The following GAB2 variants were observed in gnomAD, a reference collection of about 807,000 sequenced individuals.
GAB2 encodes GRB2-associated-binding protein 2.
Under a neutral mutation model 65.5 loss-of-function variants are expected in GAB2, and 26 were observed. The ratio of observed to expected loss-of-function variants is 0.40; its 90% CI spans 0.29 to 0.55. The LOEUF is 0.55. Among genes scored for constraint, GAB2 ranks in the 20% least tolerant of loss-of-function variants. The pLI, the probability that GAB2 is intolerant of heterozygous loss-of-function variation, is 0.53. For synonymous variants in GAB2, 321 were observed against 329.6 expected, an observed-to-expected ratio of 0.97 and a Z score of 0.28; for missense variants, 884 against 875.8, an observed-to-expected ratio of 1.01 and a Z score of -0.12.
chr11:78,354,059 G>C lies in GAB2; in HGVS notation c.75+63587C>G, dbSNP rs115469821. 4.3e-3 allele frequency among the ~76,000 whole-genome samples: 661 copies of C among 152,304 alleles called. 2 individuals are homozygous for C. The highest frequency in any genetic ancestry group is 0.015 in the African/African-American group (637 of 41,558). On this transcript the variant is annotated intron_variant, in intron 1 of 9. Transcript: ENST00000361507. ...TGTTGGTGCTGTTGGTCCAGGGATG[G>C]CACTTTGAGAACTACTGAAATAAGG... is the stretch of plus-strand genomic sequence containing the variant.
intron 3 of GAB2, among the ~76,000 whole-genome samples, chr11:78,246,227 C>T (rs1031301529): frequency 2.4e-4 from 37 of 151,562 alleles, no homozygotes; most frequent in Admixed American, 4.6e-4. Flanking sequence ...CCACAGTGTC[C>T]GGTGGCAGAG....
chr11:78,268,339 C>T (rs1346447839), intron 2 of GAB2, among the ~76,000 whole-genome samples: 2 of 152,168 alleles, frequency 1.3e-5, no homozygotes, highest in Non-Finnish European at 2.9e-5. Flanking sequence ...AAGACTGTAT[C>T]TACTGATTTT....
chr11:78,316,863 G>C (rs891694951), intron 1 of GAB2, among the ~76,000 whole-genome samples: 1 of 152,188 alleles, frequency 6.6e-6, no homozygotes, highest in South Asian at 2.1e-4. Flanking sequence ...TTAGTCAGAA[G>C]AGCCAAAAGG....
rs1164899354 is a variant in GAB2 at position 78,216,422 on chromosome 11, G to A, written c.*2850C>T. ...TTTTTTCAACTGAGTTGACTCCTTT[G>A]TTGGAGGAGGTAGTGGGTGGAGGGT... On this transcript the variant is annotated 3_prime_UTR_variant, in exon 10 of 10. Coordinates refer to ENST00000361507, the MANE Select transcript of GAB2 (RefSeq NM_080491.3). 1 of 152,216 alleles carries A rather than the reference G, an allele frequency of 6.6e-6. No individual in the cohort carries two copies. The highest frequency in any genetic ancestry group is 1.5e-5 in the Non-Finnish European group (1 of 68,042). 9.4% of individuals were successfully genotyped at this position (152,216 alleles called of 1,614,324 possible).
intron 3 of GAB2, among the ~76,000 whole-genome samples, chr11:78,243,948 G>A (rs1201886631): frequency 3.3e-5 from 5 of 152,034 alleles, no homozygotes; most frequent in Non-Finnish European, 7.4e-5. Flanking sequence ...TACCAAGATT[G>A]AACCCAAAAG....
At chr11:78,402,761 T>C (rs901025828) in intron 1 of GAB2, among the ~76,000 whole-genome samples, 6 of 152,166 alleles carry the variant, frequency 3.9e-5, no homozygotes, top group Non-Finnish European at 7.3e-5. Flanking sequence ...ATGAGCAGAC[T>C]TTTAAAAGTC....
At chr11:78,400,701 G>A (rs1482416802) in intron 1 of GAB2, among the ~76,000 whole-genome samples, 2 of 151,906 alleles carry the variant, frequency 1.3e-5, no homozygotes, top group Non-Finnish European at 2.9e-5. Context: ...CCAGGAGTTC[G>A]AGACCAGCCT....
rs1554975133 is a variant in GAB2, at chr11:78,231,336, G to GTGGTGTGT, written c.621-4286_621-4285insACACACCA. On this transcript the variant is annotated intron_variant, in intron 3 of 9. Transcript: ENST00000361507. ...CCTTGGTGCGCGCGCGCGCGTGTGT[G>GTGGTGTGT]GTGTGTGTGTGTGTGTGTGTGTGTG... is the stretch of plus-strand genomic sequence containing the variant. Among the ~76,000 whole-genome samples, 1,181 of 145,884 alleles carry GTGGTGTGT rather than the reference G, an allele frequency of 8.1e-3. 16 individuals are homozygous for GTGGTGTGT. Among genetic ancestry groups the GTGGTGTGT allele is most frequent in the African/African-American group, 0.029 (1,118 of 38,668 alleles).
At chr11:78,370,029 G>C (rs532887756) in intron 1 of GAB2, among the ~76,000 whole-genome samples, 1 of 151,892 alleles carries the variant, frequency 6.6e-6, no homozygotes, top group African/African-American at 2.4e-5. Flanking sequence ...AGGCCGAGGC[G>C]GGCGGATCAC....
At chr11:78,304,617 C>T (rs956140753) in intron 1 of GAB2, among the ~76,000 whole-genome samples, 3 of 152,176 alleles carry the variant, frequency 2.0e-5, no homozygotes, top group African/African-American at 7.2e-5. Context: ...TGATGAAGTG[C>T]CAAGTTATTA....
At chr11:78,243,899 T>A (rs189062940) in intron 3 of GAB2, among the ~76,000 whole-genome samples, 1 of 151,926 alleles carries the variant, frequency 6.6e-6, no homozygotes, top group Admixed American at 6.6e-5. Context: ...AAATTAGAAA[T>A]CCTAACAGAA....
chr11:78,404,221 TA>T (rs1299310426), intron 1 of GAB2, among the ~76,000 whole-genome samples: 1 of 152,162 alleles, frequency 6.6e-6, no homozygotes, highest in Non-Finnish European at 1.5e-5. Context: ...TGAATGCATT[TA>T]AAAAATGTGG....
At chr11:78,267,225 G>A (rs1298382202) in intron 2 of GAB2, among the ~76,000 whole-genome samples, 1 of 152,202 alleles carries the variant, frequency 6.6e-6, no homozygotes, top group Non-Finnish European at 1.5e-5. Context: ...GCACACAAGA[G>A]CAGGGCTAGG....
intron 1 of GAB2, among the ~76,000 whole-genome samples, chr11:78,378,856 A>G (rs1046866143): frequency 6.6e-6 from 1 of 152,134 alleles, no homozygotes; most frequent in Non-Finnish European, 1.5e-5. Flanking sequence ...TACCATACCA[A>G]CTAGAATACA....
At chr11:78,405,953 C>T (rs1012157443) in intron 1 of GAB2, among the ~76,000 whole-genome samples, 3 of 152,186 alleles carry the variant, frequency 2.0e-5, no homozygotes, top group African/African-American at 4.8e-5. Flanking sequence ...AGCCAAACAC[C>T]GCAGAGCAAA....
chr11:78,308,121 CACTT>C (rs2134637869), intron 1 of GAB2, among the ~76,000 whole-genome samples: 1 of 152,254 alleles, frequency 6.6e-6, no homozygotes, highest in South Asian at 2.1e-4. Flanking sequence ...GGGCCTATAA[CACTT>C]ACAATACAAG....
intron 2 of GAB2, among the ~76,000 whole-genome samples, chr11:78,254,128 C>T (rs1020681424): frequency 6.6e-6 from 1 of 152,130 alleles, no homozygotes; most frequent in Non-Finnish European, 1.5e-5. Flanking sequence ...TCTCAGTCTC[C>T]TTATTTACAA....
intron 1 of GAB2, among the ~76,000 whole-genome samples, chr11:78,295,487 C>T (rs1866800680): frequency 6.6e-6 from 1 of 152,216 alleles, no homozygotes; most frequent in Non-Finnish European, 1.5e-5. Flanking sequence ...CTCTCCCTTC[C>T]TCATTCCAAT....
rs139326463 is a variant in GAB2, at chr11:78,362,377, A to C, written c.75+55269T>G. On this transcript the variant is annotated intron_variant, in intron 1 of 9. Transcript: ENST00000361507. Reference sequence around the variant, plus strand: ...AACATTTTAATAAGTATGCATAATAAAATACCTAGAGTAACTTCTAATGAA... The same window carrying C: ...AACATTTTAATAAGTATGCATAATACAATACCTAGAGTAACTTCTAATGAA... Among the ~76,000 whole-genome samples the C allele has an allele frequency of 2.2e-3, 331 of 152,258 alleles. 1 individual carries two copies. Among genetic ancestry groups the C allele is most frequent in the African/African-American group, 7.4e-3 (306 of 41,578 alleles).
Sources: allele counts gnomAD v4.1 joint callset (sites outside exome capture counted in the v4.1 genomes callset), GRCh38; gene constraint gnomAD v4.1.1; transcripts MANE v1.5; gene names NCBI Gene and HGNC (gene_info 2026-07-23, HGNC 2026-07-21).